Variants in AKT3 observed in about 807,000 individuals in gnomAD.
The protein encoded by AKT3 is AKT serine/threonine kinase 3.
AKT3 carries 15 observed loss-of-function variants against 65.3 expected under a neutral mutation model. That is an observed-to-expected ratio of 0.23 (90% CI 0.15 to 0.35). The LOEUF (loss-of-function observed/expected upper bound fraction) is 0.35. Among genes scored for constraint, AKT3 ranks in the 10% least tolerant of loss-of-function variants. The pLI is 1.00. For synonymous variants in AKT3, 206 were observed against 183.8 expected, an observed-to-expected ratio of 1.12 and a Z score of -0.98; for missense variants, 243 against 576.5, an observed-to-expected ratio of 0.42 and a Z score of 5.92.
At chr1:243,645,794 G>T (rs1021719008) in intron 5 of AKT3, 99 bp downstream of exon 5, 25 of 1,217,424 alleles carry the variant, frequency 2.1e-5, no homozygotes, top group Non-Finnish European at 2.7e-5. Flanking sequence ...TTTACATATC[G>T]TAAGAAAACT....
At position 243,850,074 on chromosome 1, in the gene AKT3, G is replaced by T; in HGVS notation, c.-147C>A. The stretch of plus-strand genomic sequence containing the variant: ...CGGCGGCGGCGGTGGCGGCCCCGCA[G>T]CTGCTCGGGCGGCGGCGGAGGATGG... On this transcript the variant is annotated 5_prime_UTR_variant, in exon 1 of 14. In the 5' UTR this introduces an upstream ATG that the reference lacks. Transcript: ENST00000673466. 3 of 938,972 alleles carry T rather than the reference G, an allele frequency of 3.2e-6. No individual in the cohort carries two copies. The highest frequency in any genetic ancestry group is 3.8e-6 in the Non-Finnish European group (3 of 789,588). 58.2% of individuals were successfully genotyped at this position (938,972 alleles called of 1,614,324 possible). A position where few individuals can be genotyped will look rare whatever the true frequency, so the allele number is the denominator to read the frequency against.
chr1:243,538,889 A>G (rs1672106265), intron 12 of AKT3, among the ~76,000 whole-genome samples: 3 of 152,256 alleles, frequency 2.0e-5, no homozygotes, highest in African/African-American at 7.2e-5. Flanking sequence ...AACAATCCTT[A>G]ATCTAAATAT....
chr1:243,753,832 TA>T (rs1397805193), intron 2 of AKT3, among the ~76,000 whole-genome samples: 11 of 152,186 alleles, frequency 7.2e-5, no homozygotes, highest in Non-Finnish European at 1.3e-4. Context: ...CCTCCAGAAC[TA>T]AATTGAAGGG....
At chr1:243,566,278 GAGA>G (rs1479257800) in intron 9 of AKT3, among the ~76,000 whole-genome samples, 3 of 152,162 alleles carry the variant, frequency 2.0e-5, no homozygotes, top group South Asian at 2.1e-4. Context: ...TCATGGTTGT[GAGA>G]AGAAGAATGA....
chr1:243,582,447 C>CA lies in AKT3; in HGVS notation c.697-9400dup, dbSNP rs59718769. Among the ~76,000 whole-genome samples the CA allele has an allele frequency of 2.0e-3, 208 of 101,514 alleles. 1 individual carries two copies. Among genetic ancestry groups the CA allele is most frequent in the African/African-American group, 6.4e-3 (186 of 29,204 alleles). 66.6% of individuals were successfully genotyped at this position (101,514 alleles called of 152,430 possible). On this transcript the variant is annotated intron_variant, in intron 8 of 13. Coordinates refer to ENST00000673466, the MANE Select transcript of AKT3 (RefSeq NM_005465.7). ...ACTGGGGACCTATTTTTAGCTTTCT[C>CA]AAAAAAAAAAAAAAAAAAAAAAAAG...
At chr1:243,713,981 G>A (rs1418661174) in intron 2 of AKT3, among the ~76,000 whole-genome samples, 1 of 152,008 alleles carries the variant, frequency 6.6e-6, no homozygotes, top group East Asian at 1.9e-4. Flanking sequence ...GACAGAACTG[G>A]GCTGCTGTTT....
chr1:243,778,129 T>TC (rs1240794748), intron 2 of AKT3, among the ~76,000 whole-genome samples: 7 of 152,150 alleles, frequency 4.6e-5, no homozygotes, highest in African/African-American at 1.7e-4. Context: ...CCTGCATGTC[T>TC]CCATTAAAGA....
rs756197145 is a variant in AKT3, at chr1:243,637,723, T to C, written c.449A>G (p.Tyr150Cys). The change falls in exon 6 of 14, where the codon TAT becomes TGT. Residue 150 changes from tyrosine to cysteine, a missense_variant. By Grantham distance (194) the Tyr-to-Cys change is radical. This residue lies in a region of AKT3 where 72 missense variants were observed against 86.0 expected (regional missense o/e 0.84). Coordinates refer to ENST00000673466, the MANE Select transcript of AKT3 (RefSeq NM_005465.7). ...HKRKTMNDFD[Y>C]LKLLGKGTFG... is the part of the protein sequence containing the mutation. ...AGTGCCTTTACCTAGTAGTTTCAAA[T>C]AGTCAAAATCATTCATTGTCTGAAA... is the stretch of plus-strand genomic sequence containing the variant. 1.9e-6 allele frequency: 3 copies of C among 1,557,108 alleles called. No individual in the cohort carries two copies. The highest frequency in any genetic ancestry group is 1.8e-6 in the Non-Finnish European group (2 of 1,134,606).
At chr1:243,815,214 T>G (rs1006137677) in intron 2 of AKT3, among the ~76,000 whole-genome samples, 2 of 152,312 alleles carry the variant, frequency 1.3e-5, no homozygotes, top group Non-Finnish European at 2.9e-5. Context: ...TCTCTCCTTT[T>G]ACATTTTATA....
intron 4 of AKT3, among the ~76,000 whole-genome samples, chr1:243,652,575 A>G (rs530110442): frequency 6.6e-6 from 1 of 152,162 alleles, no homozygotes; most frequent in African/African-American, 2.4e-5. Context: ...ATCATAAAGC[A>G]TCAAATTCAC....
intron 10 of AKT3, among the ~76,000 whole-genome samples, chr1:243,556,741 C>T (rs1673431822): frequency 6.6e-6 from 1 of 152,074 alleles, no homozygotes; most frequent in Admixed American, 6.6e-5. Context: ...CCTAAACATA[C>T]ATCTGTATCA....
intron 3 of AKT3, among the ~76,000 whole-genome samples, chr1:243,666,342 A>T (rs1358073861): frequency 6.6e-6 from 1 of 152,128 alleles, no homozygotes; most frequent in Non-Finnish European, 1.5e-5. Flanking sequence ...ACTGAGAGAA[A>T]TCATTCACCC....
upstream of AKT3, among the ~76,000 whole-genome samples, chr1:243,850,727 G>T (rs906877674): frequency 6.6e-6 from 1 of 150,924 alleles, no homozygotes; most frequent in African/African-American, 2.4e-5. Context: ...CTCCCTGCCC[G>T]GCCCTCGTCC....
chr1:243,767,293 G>T (rs1478403504), intron 2 of AKT3, among the ~76,000 whole-genome samples: 1 of 152,128 alleles, frequency 6.6e-6, no homozygotes, highest in African/African-American at 2.4e-5. Context: ...TAAATTAAAT[G>T]ATAGACACAC....
intron 13 of AKT3, among the ~76,000 whole-genome samples, chr1:243,505,760 T>G (rs750750966): frequency 6.6e-6 from 1 of 152,268 alleles, no homozygotes; most frequent in Non-Finnish European, 1.5e-5. Flanking sequence ...ATTTTTTCTT[T>G]GTGATGCTTT....
intron 6 of AKT3, among the ~76,000 whole-genome samples, chr1:243,627,205 C>T (rs1341407005): frequency 6.6e-6 from 1 of 152,018 alleles, no homozygotes; most frequent in Non-Finnish European, 1.5e-5. Context: ...CTAAAAGAGA[C>T]ATACTCAGCC....
chr1:243,509,548 C>T (rs1252690199), intron 13 of AKT3, among the ~76,000 whole-genome samples: 1 of 152,142 alleles, frequency 6.6e-6, no homozygotes, highest in Non-Finnish European at 1.5e-5. Context: ...GTACCCAAAT[C>T]CATTTTGATT....
intron 12 of AKT3, among the ~76,000 whole-genome samples, chr1:243,516,498 T>C (rs1216131658): frequency 6.6e-6 from 1 of 152,222 alleles, no homozygotes; most frequent in African/African-American, 2.4e-5. Flanking sequence ...AATCTTTATT[T>C]CCTTTGTTCT....
chr1:243,489,991 G>T (rs1163374757), intron 13 of AKT3, among the ~76,000 whole-genome samples: 1 of 152,204 alleles, frequency 6.6e-6, no homozygotes, highest in Non-Finnish European at 1.5e-5. Context: ...GAGGTGGTCC[G>T]TGGGCTGACC....
Sources: gnomAD v4.1 joint callset for allele counts (sites outside exome capture counted in the v4.1 genomes callset) on GRCh38, gnomAD v4.1.1 for gene constraint, gnomAD v4.1.1 regional missense constraint, MANE v1.5 for transcripts, NCBI Gene and HGNC (gene_info 2026-07-23, HGNC 2026-07-21) for gene names.